The following PCDHGA6 variants were observed in gnomAD, a reference collection of about 807,000 sequenced individuals.
The protein encoded by PCDHGA6 is protocadherin gamma-A6.
Under a neutral mutation model 60.6 loss-of-function variants are expected in PCDHGA6, and 41 were observed. The ratio of observed to expected loss-of-function variants is 0.68; its 90% CI spans 0.53 to 0.88. The LOEUF is 0.88. Among genes scored for constraint, PCDHGA6 ranks in the 40% least tolerant of loss-of-function variants. The pLI is 0.00. For missense variants in PCDHGA6, 1,312 were observed against 1,203.0 expected, an observed-to-expected ratio of 1.09 and a Z score of -1.34; for synonymous variants, 594 against 524.4, an observed-to-expected ratio of 1.13 and a Z score of -1.81.
intron 1 of PCDHGA6, among the ~76,000 whole-genome samples, chr5:141,381,826 C>CTTCTTTT (rs1777532522): frequency 2.4e-4 from 18 of 74,296 alleles, no homozygotes; most frequent in Admixed American, 1.2e-3. Context: ...CTTTCTTCTT[C>CTTCTTTT]TTTTTTTTTT....
rs61612330 is a variant in PCDHGA6 at position 141,454,796 on chromosome 5, ATTTTTTTT to A, written c.2425-39989_2425-39982del. Reference sequence around the variant, plus strand: ...AAGGAAATAATCCTCCATGGTTCTAATTTTTTTTTTTTTTTTTTTTTTTTTTTTTGAGA... The same window carrying A: ...AAGGAAATAATCCTCCATGGTTCTAATTTTTTTTTTTTTTTTTTTTTGAGA... On this transcript the variant is annotated intron_variant, in intron 1 of 3. Transcript: ENST00000517434. Among the ~76,000 whole-genome samples, 398 of 77,454 alleles carry A rather than the reference ATTTTTTTT, an allele frequency of 5.1e-3. 2 individuals are homozygous for A. The highest frequency in any genetic ancestry group is 0.021 in the African/African-American group (363 of 16,886). 50.8% of individuals were successfully genotyped at this position (77,454 alleles called of 152,430 possible).
At position 141,468,868 on chromosome 5, in the gene PCDHGA6, A is replaced by AAAT. The variant is rs993655754; in HGVS notation, c.2425-25921_2425-25919dup. Among the ~76,000 whole-genome samples, 30 of 151,912 alleles carry AAAT rather than the reference A, an allele frequency of 2.0e-4. No homozygotes were observed. The East Asian group carries it at 4.3e-3, about 22-fold the overall frequency. On this transcript the variant is annotated intron_variant, in intron 1 of 3. Coordinates refer to ENST00000517434, the MANE Select transcript of PCDHGA6 (RefSeq NM_018919.3). ...GCAACAGAGCGAGACTCCATCTCAAAAATAATAATAATAATAATAAGGTAC... is the reference window on the plus strand; with the variant it reads ...GCAACAGAGCGAGACTCCATCTCAAAAATAATAATAATAATAATAATAAGGTAC...
At chr5:141,457,864 C>T (rs962336979) in intron 1 of PCDHGA6, among the ~76,000 whole-genome samples, 5 of 152,166 alleles carry the variant, frequency 3.3e-5, no homozygotes, top group African/African-American at 4.8e-5. Flanking sequence ...CTTCACTGAC[C>T]ACAGGTTAGG....
At chr5:141,417,635 G>A in intron 1 of PCDHGA6, 1 of 724,902 alleles carries the variant, frequency 1.4e-6, no homozygotes, top group Non-Finnish European at 2.1e-6. Context: ...CTGACGCCGG[G>A]GATCCCTCAG....
In PCDHGA6 at chr5:141,511,406, G is replaced by C; in HGVS notation, c.*233G>C. The C allele has an allele frequency of 1.1e-6, 1 of 942,018 alleles. No individual in the cohort carries two copies. The highest frequency in any genetic ancestry group is 1.7e-5 in the African/African-American group (1 of 60,280). The allele number at this position is 942,018 out of a possible 1,614,324, so 58.4% of individuals were successfully genotyped here. ...GCTGGGAACCCCCATCCAATCAACT[G>C]CTGTACCCATGGGGGTAGTGGGGTT... On this transcript the variant is annotated 3_prime_UTR_variant, in exon 4 of 4. Coordinates refer to ENST00000517434, the MANE Select transcript of PCDHGA6 (RefSeq NM_018919.3).
rs1021502624 is a variant in PCDHGA6 at position 141,376,267 on chromosome 5, G to A, written c.2184G>A (p.Ser728=). 6 of 1,614,210 alleles carry A rather than the reference G, an allele frequency of 3.7e-6. No individual in the cohort carries two copies. Among genetic ancestry groups the A allele is most frequent in the Non-Finnish European group, 5.1e-6 (6 of 1,180,036 alleles). The change falls in exon 1 of 4, where the codon TCG becomes TCA. Residue 728 remains serine (S), a synonymous_variant. Coordinates refer to ENST00000517434, the MANE Select transcript of PCDHGA6 (RefSeq NM_018919.3). ...RWHKSRLLQA[S]GGGLASMPGS... ...ACAAGTCACGCCTGCTGCAGGCTTC[G>A]GGAGGTGGCTTAGCGAGCATGCCCG...
At chr5:141,442,974 A>C (rs1444888648) in intron 1 of PCDHGA6, among the ~76,000 whole-genome samples, 1 of 152,176 alleles carries the variant, frequency 6.6e-6, no homozygotes, top group Non-Finnish European at 1.5e-5. Flanking sequence ...CTGGCTGATA[A>C]AGTTAGCCTA....
chr5:141,434,547 A>G (rs1277148299), intron 1 of PCDHGA6, among the ~76,000 whole-genome samples: 1 of 152,232 alleles, frequency 6.6e-6, no homozygotes, highest in East Asian at 1.9e-4. Context: ...AGCATGAGTG[A>G]TCTGTGCCTT....
At chr5:141,494,644 G>A in intron 1 of PCDHGA6, 163 bp from the exon 2 acceptor site, 1 of 933,684 alleles carries the variant, frequency 1.1e-6, no homozygotes. Flanking sequence ...TGAGACCTGA[G>A]GTGTATTTTG....
intron 2 of PCDHGA6, among the ~76,000 whole-genome samples, chr5:141,505,177 A>G (rs917485235): frequency 6.6e-6 from 1 of 152,180 alleles, no homozygotes; most frequent in East Asian, 1.9e-4. Flanking sequence ...AAAAGAAAAA[A>G]GCATCGGAGG....
rs577323909 is a variant in PCDHGA6 at position 141,419,160 on chromosome 5, C to G, written c.2424+42653C>G. 13 of 1,613,956 alleles carry G rather than the reference C, an allele frequency of 8.1e-6. 1 individual carries two copies. In the South Asian group the frequency reaches 1.4e-4, roughly 18 times the overall value. On this transcript the variant is annotated intron_variant, in intron 1 of 3. Coordinates refer to ENST00000517434, the MANE Select transcript of PCDHGA6 (RefSeq NM_018919.3). ...GACAGGGGCAAGCCTCCGTTATCCT[C>G]CAGCAAAACCATAACCCTGCACATT...
intron 1 of PCDHGA6, among the ~76,000 whole-genome samples, chr5:141,462,574 C>T (rs1308899602): frequency 2.0e-5 from 3 of 152,036 alleles, no homozygotes; most frequent in Non-Finnish European, 4.4e-5. Context: ...TTGCTAATCC[C>T]ATCCAGTGAA....
chr5:141,455,406 C>A (rs991797932), intron 1 of PCDHGA6, among the ~76,000 whole-genome samples: 1 of 152,108 alleles, frequency 6.6e-6, no homozygotes, highest in Non-Finnish European at 1.5e-5. Flanking sequence ...CTTACAGAGA[C>A]AGAGGGAGCG....
At chr5:141,430,751 A>G in intron 1 of PCDHGA6, 1 of 1,496,066 alleles carries the variant, frequency 6.7e-7, no homozygotes, top group Non-Finnish European at 8.9e-7. Context: ...ATTCTGGAGG[A>G]AGATAAGAAT....
chr5:141,428,376 A>G (rs2097136159), intron 1 of PCDHGA6: 2 of 528,068 alleles, frequency 3.8e-6, no homozygotes, highest in African/African-American at 1.9e-5. Flanking sequence ...TGCACCTGCG[A>G]TGCTCTTCCA....
At chr5:141,388,497 C>T (rs2091382933) in intron 1 of PCDHGA6, 34 of 1,613,702 alleles carry the variant, frequency 2.1e-5, no homozygotes, top group Middle Eastern at 1.6e-4. Flanking sequence ...CAGAGAAAAG[C>T]AGAAATCCTA....
chr5:141,419,993 G>T (rs754254084), intron 1 of PCDHGA6: 5 of 1,614,056 alleles, frequency 3.1e-6, no homozygotes, highest in Middle Eastern at 1.6e-4. Context: ...TCTAGCTATT[G>T]CTCTACGCCT....
rs542548063 is a variant in PCDHGA6, at chr5:141,412,999, C to T, written c.2424+36492C>T. On this transcript the variant is annotated intron_variant, in intron 1 of 3. Coordinates refer to ENST00000517434, the MANE Select transcript of PCDHGA6 (RefSeq NM_018919.3). Reference sequence around the variant, plus strand: ...GCAGCCAGAGCTCAATCCGGATTCTCAGGGCTTCAACTACACAAGCCCCAC... The same window carrying T: ...GCAGCCAGAGCTCAATCCGGATTCTTAGGGCTTCAACTACACAAGCCCCAC... 150 of 588,234 alleles carry T rather than the reference C, an allele frequency of 2.6e-4. 1 individual carries two copies. In the South Asian group the frequency reaches 3.6e-3, roughly 14 times the overall value. 36.4% of individuals were successfully genotyped at this position (588,234 alleles called of 1,614,324 possible). A position where few individuals can be genotyped will look rare whatever the true frequency, so the allele number is the denominator to read the frequency against.
chr5:141,445,545 A>G (rs1422837499), intron 1 of PCDHGA6, among the ~76,000 whole-genome samples: 2 of 152,256 alleles, frequency 1.3e-5, no homozygotes, highest in Non-Finnish European at 2.9e-5. Context: ...AAGGAGAAAT[A>G]CAAAAGCACT....
Sources: gnomAD v4.1 joint callset for allele counts (sites outside exome capture counted in the v4.1 genomes callset) on GRCh38, gnomAD v4.1.1 for gene constraint, MANE v1.5 for transcripts, NCBI Gene and HGNC (gene_info 2026-07-23, HGNC 2026-07-21) for gene names.